RUFY2: variants seen among roughly 807,000 people sequenced by gnomAD.
RUFY2 encodes RUN and FYVE domain-containing protein 2.
Under a neutral mutation model 94.4 loss-of-function variants are expected in RUFY2, and 49 were observed. The observed-to-expected ratio is 0.52, with a 90% CI of 0.41 to 0.66. The LOEUF is 0.66. Ranked by LOEUF, RUFY2 falls within the 30% of genes least tolerant of loss-of-function variation. The pLI, the probability that RUFY2 is intolerant of heterozygous loss-of-function variation, is 0.00. For missense variants in RUFY2, 541 were observed against 692.8 expected, an observed-to-expected ratio of 0.78 and a Z score of 2.46; for synonymous variants, 255 against 235.7, an observed-to-expected ratio of 1.08 and a Z score of -0.75.
rs2050220852 is a variant in RUFY2, at chr10:68,394,315, CA to C, written c.522+12del. 1 of 1,613,652 alleles carries C rather than the reference CA, an allele frequency of 6.2e-7. No individual in the cohort carries two copies. The highest frequency in any genetic ancestry group is 8.5e-7 in the Non-Finnish European group (1 of 1,179,814). On this transcript the variant is annotated intron_variant, in intron 5 of 17. Transcript: ENST00000602465. ...AAAACACTCTGCATTTGGCACTAGT[CA>C]CTTTCACTTACTTGTGAGTCTAAAT...
intron 15 of RUFY2, among the ~76,000 whole-genome samples, chr10:68,360,514 C>T (rs1029040445): frequency 2.0e-5 from 3 of 151,910 alleles, no homozygotes; most frequent in East Asian, 3.9e-4. Flanking sequence ...GAGGCCGAGG[C>T]GGGCAGATCA....
chr10:68,390,709 G>A (rs778882372), intron 7 of RUFY2, among the ~76,000 whole-genome samples: 2 of 151,856 alleles, frequency 1.3e-5, no homozygotes, highest in African/African-American at 2.4e-5. Flanking sequence ...TGATCCTCTC[G>A]CCTCAGCCTC....
In RUFY2 at chr10:68,404,814, G is replaced by A. The variant is rs769450185; in HGVS notation, c.35C>T (p.Ala12Val). 3.1e-6 allele frequency: 5 copies of A among 1,610,236 alleles called. No individual in the cohort carries two copies. The highest frequency in any genetic ancestry group is 4.2e-6 in the Non-Finnish European group (5 of 1,178,410). Residue 12 changes from alanine to valine, a missense_variant, in exon 2 of 18, where the codon GCA becomes GTA. Ala to Val is a moderately conservative substitution (Grantham distance 64). Coordinates refer to ENST00000602465, the MANE Select transcript of RUFY2 (RefSeq NM_001330103.2). ...ATKDPTAVERANLLNMAKLSI... is the reference protein window; with the variant it reads ...ATKDPTAVERVNLLNMAKLSI... ...CAGTTTAGCCATGTTTAACAAGTTT[G>A]CTCTCTCTACAGCTGTGGGGTCTTT...
intron 13 of RUFY2, among the ~76,000 whole-genome samples, chr10:68,366,519 G>A (rs913212522): frequency 6.6e-6 from 1 of 150,836 alleles, no homozygotes; most frequent in Non-Finnish European, 1.5e-5. Context: ...GAGGCAGGTG[G>A]ATCACTTGAG....
chr10:68,373,685 T>A (rs1057312873), intron 13 of RUFY2, among the ~76,000 whole-genome samples: 4 of 152,138 alleles, frequency 2.6e-5, no homozygotes, highest in African/African-American at 9.7e-5. Context: ...GGCAGGAAGA[T>A]CTCTTGAGCC....
chr10:68,363,439 C>G, intron 15 of RUFY2, 151 bp downstream of exon 15: 1 of 463,242 alleles, frequency 2.2e-6, no homozygotes, highest in East Asian at 3.4e-5. Flanking sequence ...CCAGGAATTA[C>G]AAAGTGCGGG....
At chr10:68,372,171 G>A (rs1422514346) in intron 13 of RUFY2, among the ~76,000 whole-genome samples, 1 of 152,176 alleles carries the variant, frequency 6.6e-6, no homozygotes, top group African/African-American at 2.4e-5. Flanking sequence ...CACTTTGGAA[G>A]ATCATGGCAG....
At chr10:68,380,422 T>A (rs1589902068) in intron 11 of RUFY2, among the ~76,000 whole-genome samples, 1 of 150,912 alleles carries the variant, frequency 6.6e-6, no homozygotes, top group African/African-American at 2.4e-5. Flanking sequence ...AAAAATAAAA[T>A]GTAATAAAGG....
In RUFY2 at chr10:68,363,693, C is replaced by T; in HGVS notation, c.1456-9G>A. 6.7e-7 allele frequency: 1 copy of T among 1,488,382 alleles called. No homozygotes were observed. The highest frequency in any genetic ancestry group is 9.1e-7 in the Non-Finnish European group (1 of 1,096,722). 92.2% of individuals were successfully genotyped at this position (1,488,382 alleles called of 1,614,324 possible). A position where few individuals can be genotyped will look rare whatever the true frequency, so the allele number is the denominator to read the frequency against. ...TGGAGGTTAAGGAACTCCTTCAGAA[C>T]AATAAAAGACAGAAAATGAAATTTA... On this transcript the variant is annotated splice_polypyrimidine_tract_variant and intron_variant, in intron 14 of 17. Transcript: ENST00000602465.
intron 15 of RUFY2, among the ~76,000 whole-genome samples, chr10:68,358,914 C>A (rs1479349465): frequency 6.6e-6 from 1 of 152,050 alleles, no homozygotes; most frequent in African/African-American, 2.4e-5. Context: ...CGGTCTTATG[C>A]CCGGCCTAGG....
In RUFY2 at chr10:68,393,180, A is replaced by G; in HGVS notation, c.608T>C (p.Leu203Ser). 1 of 1,561,070 alleles carries G rather than the reference A, an allele frequency of 6.4e-7. No homozygotes were observed. The highest frequency in any genetic ancestry group is 8.8e-7 in the Non-Finnish European group (1 of 1,140,344). ...TTCTTCAACATAATTCTTTTGGTCT[A>G]ATATGGCAGCAATTTGAACATTCCT... is the stretch of plus-strand genomic sequence containing the variant. ...KERNVQIAAILDQKNYVEELN... is the reference protein window; with the variant it reads ...KERNVQIAAISDQKNYVEELN... Residue 203 changes from leucine to serine, a missense_variant, in exon 7 of 18, where the codon TTA becomes TCA. Transcript: ENST00000602465.
At chr10:68,398,552 G>A (rs899585374) in intron 3 of RUFY2, among the ~76,000 whole-genome samples, 7 of 151,740 alleles carry the variant, frequency 4.6e-5, no homozygotes, top group Admixed American at 6.6e-5. Flanking sequence ...CTCGAGAGGC[G>A]GAGGCAGGAG....
intron 13 of RUFY2, among the ~76,000 whole-genome samples, chr10:68,370,027 T>C (rs1233236773): frequency 1.3e-5 from 2 of 152,092 alleles, no homozygotes; most frequent in Non-Finnish European, 2.9e-5. Flanking sequence ...CTCGTGCCTA[T>C]AATCCCAGCA....
Position 68,363,999 on chromosome 10 carries a change from G to T in RUFY2, c.1440C>A (p.Ile480=), listed in dbSNP as rs1451761401. 6.3e-7 allele frequency: 1 copy of T among 1,597,768 alleles called. No individual in the cohort carries two copies. Among genetic ancestry groups the T allele is most frequent in the African/African-American group, 1.3e-5 (1 of 74,734 alleles). The change falls in exon 14 of 18, where the codon ATC becomes ATA. Residue 480 remains isoleucine, a synonymous_variant. Coordinates refer to ENST00000602465, the MANE Select transcript of RUFY2 (RefSeq NM_001330103.2). ...LSHLRNETQQ[I]ISLKKEFLNL... is the part of the protein sequence containing the mutation. ...CACTATTTACTTTTTTAAGACTAAT[G>T]ATTTGTTGAGTCTCATTTCTAAGAT... is the stretch of plus-strand genomic sequence containing the variant.
intron 7 of RUFY2, among the ~76,000 whole-genome samples, chr10:68,388,678 T>C (rs1026140921): frequency 6.7e-6 from 1 of 149,536 alleles, no homozygotes; most frequent in African/African-American, 2.5e-5. Flanking sequence ...CTATGAAAAA[T>C]AAAAAAAATT....
chr10:68,359,569 GTAC>G (rs996184102), intron 15 of RUFY2, among the ~76,000 whole-genome samples: 4 of 140,456 alleles, frequency 2.8e-5, no homozygotes, highest in South Asian at 4.7e-4. Context: ...ATATATAGTA[GTAC>G]TACTATATAT....
chr10:68,363,534 T>C (rs1318615830), intron 15 of RUFY2, 56 bp downstream of exon 15: 1 of 1,178,238 alleles, frequency 8.5e-7, no homozygotes, highest in East Asian at 2.5e-5. Flanking sequence ...TTGGCACACT[T>C]ATACCTTTTA....
chr10:68,352,706 A>G (rs1316113217), intron 16 of RUFY2, among the ~76,000 whole-genome samples: 7 of 151,132 alleles, frequency 4.6e-5, no homozygotes, highest in Non-Finnish European at 1.0e-4. Flanking sequence ...CAAGGTGGGC[A>G]GATCACAAAG....
chr10:68,341,428 ATAAT>A, downstream of RUFY2: 1 of 1,138,892 alleles, frequency 8.8e-7, no homozygotes, highest in South Asian at 1.4e-5. Flanking sequence ...TTTGACCTCT[ATAAT>A]GGCTTTCTGT....
Sources: gnomAD v4.1 joint callset for allele counts (sites outside exome capture counted in the v4.1 genomes callset) on GRCh38, gnomAD v4.1.1 for gene constraint, MANE v1.5 for transcripts, NCBI Gene and HGNC (gene_info 2026-07-23, HGNC 2026-07-21) for gene names.